The following TMED10 variants were observed in gnomAD, a reference collection of about 807,000 sequenced individuals.
TMED10 encodes transmembrane p24 trafficking protein 10, also known as transmembrane emp24 domain-containing protein 10.
TMED10 carries 7 observed loss-of-function variants against 23.1 expected under a neutral mutation model. That is an observed-to-expected ratio of 0.30 (90% CI 0.17 to 0.57). The LOEUF (loss-of-function observed/expected upper bound fraction) is 0.57, where lower values mean the gene tolerates loss of function less well. TMED10 is among the 20% of genes least tolerant of loss of function. The pLI is 0.91. For missense variants in TMED10, 162 were observed against 274.8 expected, an observed-to-expected ratio of 0.59 and a Z score of 2.90; for synonymous variants, 113 against 106.9, an observed-to-expected ratio of 1.06 and a Z score of -0.35.
intron 3 of TMED10, among the ~76,000 whole-genome samples, chr14:75,139,701 T>C (rs1425864683): frequency 1.3e-5 from 2 of 151,936 alleles, no homozygotes. Flanking sequence ...CAGACCTTCA[T>C]TAGTGGGATG....
intron 1 of TMED10, among the ~76,000 whole-genome samples, chr14:75,164,078 T>G (rs1896118696): frequency 1.3e-5 from 2 of 152,082 alleles, no homozygotes; most frequent in Admixed American, 1.3e-4. Flanking sequence ...TCTTCCTTTT[T>G]TTTTTGAGAC....
chr14:75,164,561 ATATATATATATATATATTTTTTTTT>A (rs1325013041), intron 1 of TMED10, among the ~76,000 whole-genome samples: 3 of 14,378 alleles, frequency 2.1e-4, no homozygotes, highest in African/African-American at 6.5e-4. Context: ...ATATATATAT[ATATATATATATATATATTTTTTTTT>A]TTTTTTTTGT....
At chr14:75,164,760 T>C (rs1896140522) in intron 1 of TMED10, among the ~76,000 whole-genome samples, 1 of 146,744 alleles carries the variant, frequency 6.8e-6, no homozygotes, top group Non-Finnish European at 1.5e-5. Context: ...TACTAATGGA[T>C]GGCAAACTAG....
intron 1 of TMED10, among the ~76,000 whole-genome samples, chr14:75,175,581 G>C (rs1294130452): frequency 6.7e-6 from 1 of 150,248 alleles, no homozygotes; most frequent in East Asian, 1.9e-4. Context: ...TCACACACCG[G>C]GGCCTGTCGT....
Position 75,134,291 on chromosome 14 carries a change from C to T in TMED10, c.*594G>A, listed in dbSNP as rs1895721945. On this transcript the variant is annotated 3_prime_UTR_variant, in exon 5 of 5. Coordinates refer to ENST00000303575, the MANE Select transcript of TMED10 (RefSeq NM_006827.6). ...TTTTAATTGTCTAAAATGACATTTT[C>T]TTTAAGAGTTATCTACAGTTCAAAG... 6.5e-6 allele frequency: 1 copy of T among 154,010 alleles called. No individual in the cohort carries two copies. Among genetic ancestry groups the T allele is most frequent in the African/African-American group, 2.4e-5 (1 of 41,436 alleles). 9.5% of individuals were successfully genotyped at this position (154,010 alleles called of 1,614,324 possible).
chr14:75,134,970 A>G lies in TMED10; in HGVS notation c.575T>C (p.Phe192Ser). ...TAGTCCAATGAGACAGAACATTGAA[A>G]AGATGCTGAAGTATAGGACCCGAGT... ...TNTRVLYFSI[F>S]SMFCLIGLAT... is the part of the protein sequence containing the mutation. Residue 192 changes from phenylalanine (F) to serine (S), a missense_variant, in exon 5 of 5, where the codon TTT becomes TCT. By Grantham distance (155) the Phe-to-Ser change is radical. Around this residue, in one of 2 missense-constraint regions of TMED10, gnomAD observed 126 missense variants for 239.5 expected, o/e 0.53. Coordinates refer to ENST00000303575, the MANE Select transcript of TMED10 (RefSeq NM_006827.6). The G allele has an allele frequency of 6.2e-7, 1 of 1,614,178 alleles. No homozygotes were observed. The highest frequency in any genetic ancestry group is 8.5e-7 in the Non-Finnish European group (1 of 1,180,006).
intron 1 of TMED10, 101 bp downstream of exon 1, chr14:75,176,251 GAAC>G (rs1281029881): frequency 7.0e-7 from 1 of 1,437,484 alleles, no homozygotes; most frequent in Non-Finnish European, 9.5e-7. Flanking sequence ...CGGGAGGCCA[GAAC>G]AACTCCCAGG....
chr14:75,134,969 A>G lies in TMED10; in HGVS notation c.576T>C (p.Phe192=), dbSNP rs1286452064. 7 of 1,614,046 alleles carry G rather than the reference A, an allele frequency of 4.3e-6. No homozygotes were observed. ...CTAGTCCAATGAGACAGAACATTGA[A>G]AAGATGCTGAAGTATAGGACCCGAG... ...TNTRVLYFSI[F]SMFCLIGLAT... is the part of the protein sequence containing the mutation. Residue 192 remains phenylalanine, a synonymous_variant, in exon 5 of 5, where the codon TTT becomes TTC. Transcript: ENST00000303575.
intron 2 of TMED10, 31 bp downstream of exon 2, chr14:75,152,001 T>G (rs1234101401): frequency 1.3e-6 from 2 of 1,568,038 alleles, no homozygotes; most frequent in African/African-American, 2.7e-5. Context: ...GAGAAGATTC[T>G]TAATCCAGAG....
chr14:75,143,997 G>A (rs901113660), intron 3 of TMED10, among the ~76,000 whole-genome samples: 1 of 151,020 alleles, frequency 6.6e-6, no homozygotes, highest in African/African-American at 2.4e-5. Context: ...CTTCCTGAGA[G>A]CACTCAGAGA....
intron 2 of TMED10, among the ~76,000 whole-genome samples, chr14:75,149,746 C>T (rs175428): frequency 1 from 152,372 of 152,372 alleles, 76,186 homozygotes; most frequent in Non-Finnish European, 1. Flanking sequence ...TCTAGGCAGA[C>T]GGCAAAGCAT....
intron 3 of TMED10, chr14:75,139,226 G>T: frequency 2.3e-6 from 1 of 433,582 alleles, no homozygotes; most frequent in South Asian, 1.7e-5. Flanking sequence ...TTTATAAATG[G>T]CATACTACAC....
chr14:75,137,548 G>A (rs1462349657), intron 3 of TMED10, among the ~76,000 whole-genome samples: 2 of 149,834 alleles, frequency 1.3e-5, no homozygotes, highest in Admixed American at 6.6e-5. Context: ...GGTGGCGGGC[G>A]CCTGTAGTCC....
At chr14:75,161,392 A>C (rs1008794237) in intron 1 of TMED10, among the ~76,000 whole-genome samples, 15 of 152,244 alleles carry the variant, frequency 9.9e-5, no homozygotes, top group Non-Finnish European at 1.6e-4. Flanking sequence ...AATTGAGCAA[A>C]TGATATCTGT....
At chr14:75,150,555 A>G (rs1012785406) in intron 2 of TMED10, among the ~76,000 whole-genome samples, 8 of 152,166 alleles carry the variant, frequency 5.3e-5, no homozygotes, top group African/African-American at 1.2e-4. Flanking sequence ...TATTTTTACT[A>G]TATCTTTTCT....
intron 1 of TMED10, chr14:75,176,047 C>G: frequency 2.4e-6 from 1 of 420,494 alleles, no homozygotes; most frequent in East Asian, 4.9e-5. Flanking sequence ...TTTGGAGAAC[C>G]AAATTACGGT....
At chr14:75,153,066 G>A (rs1451989303) in intron 1 of TMED10, among the ~76,000 whole-genome samples, 1 of 152,134 alleles carries the variant, frequency 6.6e-6, no homozygotes, top group Non-Finnish European at 1.5e-5. Context: ...AGGTTGCAGT[G>A]AGCCAAGATT....
chr14:75,164,361 A>C (rs1896123157), intron 1 of TMED10, among the ~76,000 whole-genome samples: 4 of 148,250 alleles, frequency 2.7e-5, no homozygotes, highest in Admixed American at 1.4e-4. Flanking sequence ...CTCCCCAAGT[A>C]GCTGGGACTA....
chr14:75,148,765 T>G (rs1289254808), intron 2 of TMED10, among the ~76,000 whole-genome samples: 1 of 152,206 alleles, frequency 6.6e-6, no homozygotes, highest in East Asian at 1.9e-4. Flanking sequence ...AACTACTCAT[T>G]GAAAACTCAC....
Sources: allele counts gnomAD v4.1 joint callset (sites outside exome capture counted in the v4.1 genomes callset), GRCh38; gene constraint gnomAD v4.1.1; regional missense constraint gnomAD v4.1.1; transcripts MANE v1.5; gene names NCBI Gene and HGNC (gene_info 2026-07-23, HGNC 2026-07-21).